ANKRD13C: variants seen among roughly 807,000 people sequenced by gnomAD.
ANKRD13C encodes the protein ankyrin repeat domain-containing protein 13C.
In ANKRD13C, 16 loss-of-function variants were observed where a neutral mutation model predicts 65.5. The ratio of observed to expected loss-of-function variants is 0.24; its 90% confidence interval spans 0.17 to 0.37. The LOEUF (loss-of-function observed/expected upper bound fraction) is 0.37. Ranked by LOEUF, ANKRD13C falls within the 10% of genes least tolerant of loss-of-function variation. ANKRD13C has a pLI of 1.00. For missense variants in ANKRD13C, 503 were observed against 655.9 expected (o/e 0.77, Z 2.55); for synonymous variants, 235 against 238.7 (o/e 0.98, Z 0.14).
chr1:70,352,339 CAAAAA>C (rs397965041), intron 1 of ANKRD13C, among the ~76,000 whole-genome samples: 1 of 60,772 alleles, frequency 1.6e-5, no homozygotes, highest in Non-Finnish European at 3.1e-5. Flanking sequence ...GACTCCGTCT[CAAAAA>C]AAAAAAAAAA....
rs1250961265 is a variant in ANKRD13C at position 70,309,728 on chromosome 1, A to AT, written c.710-3439_710-3438insA. Among the ~76,000 whole-genome samples the AT allele has an allele frequency of 7.3e-3, 1,061 of 145,026 alleles. 17 individuals carry two copies. The highest frequency in any genetic ancestry group is 0.02 in the African/African-American group (824 of 40,290). On this transcript the variant is annotated intron_variant, in intron 5 of 12. Transcript: ENST00000370944. ...CAGACTCCGTCGCAAAAAAAAAAAA[A>AT]AAAAAATAATAATAATAATAATATA...
chr1:70,319,445 A>C (rs567897992), intron 3 of ANKRD13C, among the ~76,000 whole-genome samples: 1 of 152,046 alleles, frequency 6.6e-6, no homozygotes, highest in Non-Finnish European at 1.5e-5. Context: ...GTCTCTACTA[A>C]AAATACAAAA....
chr1:70,335,960 G>T (rs1000852068), intron 2 of ANKRD13C, 98 bp downstream of exon 2: 1 of 357,646 alleles, frequency 2.8e-6, no homozygotes, highest in Non-Finnish European at 5.1e-6. Flanking sequence ...CAGATAAAAT[G>T]AGTTTTTAAA....
At chr1:70,335,670 A>G (rs1256722777) in intron 2 of ANKRD13C, among the ~76,000 whole-genome samples, 1 of 150,074 alleles carries the variant, frequency 6.7e-6, no homozygotes, top group Non-Finnish European at 1.5e-5. Flanking sequence ...TTATCTACCA[A>G]AGGCTCAACT....
In ANKRD13C at chr1:70,276,773, T is replaced by C; in HGVS notation, c.1287A>G (p.Glu429=). The change falls in exon 10 of 13, where the codon GAA becomes GAG. Residue 429 remains glutamate (E), a synonymous_variant. Coordinates refer to ENST00000370944, the MANE Select transcript of ANKRD13C (RefSeq NM_030816.5). The part of the protein sequence containing the change: ...TITWEEYISA[E]NGKAPHLGRE... ...ACAAGAAAAAAACTTACTTTCCATTTTCAGCAGATATATATTCTTCCCATG... is the reference window on the plus strand; with the variant it reads ...ACAAGAAAAAAACTTACTTTCCATTCTCAGCAGATATATATTCTTCCCATG... 6.3e-7 allele frequency: 1 copy of C among 1,595,890 alleles called. No homozygotes were observed. The highest frequency in any genetic ancestry group is 8.5e-7 in the Non-Finnish European group (1 of 1,174,846).
chr1:70,351,893 C>A (rs1682756771), intron 1 of ANKRD13C, among the ~76,000 whole-genome samples: 1 of 152,084 alleles, frequency 6.6e-6, no homozygotes, highest in African/African-American at 2.4e-5. Context: ...AGCCACAGTT[C>A]CTAGGACACC....
At chr1:70,281,851 A>T (rs1436383616) in intron 9 of ANKRD13C, among the ~76,000 whole-genome samples, 1 of 151,018 alleles carries the variant, frequency 6.6e-6, no homozygotes, top group Non-Finnish European at 1.5e-5. Context: ...GTTCGACACC[A>T]GCCTGGCCAA....
intron 7 of ANKRD13C, among the ~76,000 whole-genome samples, chr1:70,299,528 T>C (rs1209878212): frequency 1.3e-5 from 2 of 152,168 alleles, no homozygotes; most frequent in African/African-American, 2.4e-5. Flanking sequence ...AAATAATGAA[T>C]GTTTAAATTA....
Position 70,262,699 on chromosome 1 carries a change from C to T in ANKRD13C, c.*18G>A. 6.2e-7 allele frequency: 1 copy of T among 1,608,356 alleles called. No homozygotes were observed. ...GTATTTTCTTTCCTTGGTTAGACGG[C>T]ATCCTTTTCCACGTCAGTTAAAGAT... On this transcript the variant is annotated 3_prime_UTR_variant, in exon 13 of 13. Transcript: ENST00000370944.
chr1:70,259,916 T>C lies in ANKRD13C; in HGVS notation c.*2801A>G, dbSNP rs1678334771. 6.6e-6 allele frequency among the ~76,000 whole-genome samples: 1 copy of C among 152,172 alleles called. No homozygotes were observed. Among genetic ancestry groups the C allele is most frequent in the Non-Finnish European group, 1.5e-5 (1 of 68,010 alleles). ...AAGGGTCAGCTGTACTTATTTACAA[T>C]ATTTACTTCAGTCCTTTCATGGCCT... On this transcript the variant is annotated 3_prime_UTR_variant, in exon 13 of 13. Transcript: ENST00000370944.
intron 3 of ANKRD13C, among the ~76,000 whole-genome samples, 167 bp downstream of exon 3, chr1:70,324,686 G>T (rs562494005): frequency 6.6e-6 from 1 of 152,246 alleles, no homozygotes; most frequent in Non-Finnish European, 1.5e-5. Context: ...CTCTTTCTGG[G>T]TTCCACTCAA....
At chr1:70,317,170 A>G (rs1681106557) in intron 3 of ANKRD13C, among the ~76,000 whole-genome samples, 1 of 152,276 alleles carries the variant, frequency 6.6e-6, no homozygotes, top group Middle Eastern at 3.4e-3. Flanking sequence ...AAATTCCAAT[A>G]TATTTTAAAA....
At chr1:70,338,003 G>A (rs1682125029) in intron 1 of ANKRD13C, among the ~76,000 whole-genome samples, 1 of 152,074 alleles carries the variant, frequency 6.6e-6, no homozygotes, top group South Asian at 2.1e-4. Flanking sequence ...GGAGGCTGAG[G>A]CAGGAGAATC....
rs376003856 is a variant in ANKRD13C at position 70,260,141 on chromosome 1, T to C, written c.*2576A>G. Among the ~76,000 whole-genome samples the C allele has an allele frequency of 6.6e-6, 1 of 152,200 alleles. No individual in the cohort carries two copies. Among genetic ancestry groups the C allele is most frequent in the South Asian group, 2.1e-4 (1 of 4,836 alleles). ...GGAAACAGTTTTTCATCTACTAACA[T>C]GTATCAGCAGACAGATGTGACAGTT... On this transcript the variant is annotated 3_prime_UTR_variant, in exon 13 of 13. Transcript: ENST00000370944.
intron 1 of ANKRD13C, among the ~76,000 whole-genome samples, chr1:70,342,929 A>C (rs953764922): frequency 6.6e-6 from 1 of 152,170 alleles, no homozygotes; most frequent in African/African-American, 2.4e-5. Flanking sequence ...AGGAGAGTCC[A>C]CCAGAGTCTA....
intron 6 of ANKRD13C, among the ~76,000 whole-genome samples, chr1:70,302,232 G>A (rs528529189): frequency 1.8e-4 from 27 of 150,762 alleles, no homozygotes; most frequent in Non-Finnish European, 3.0e-4. Context: ...GGGTGAGCCA[G>A]AGCAAAGAGG....
At chr1:70,292,676 A>C (rs1490838095) in intron 8 of ANKRD13C, 127 bp from the exon 9 acceptor site, 2 of 681,834 alleles carry the variant, frequency 2.9e-6, no homozygotes, top group Non-Finnish European at 4.8e-6. Context: ...TGAAATTATC[A>C]AACTATCTTA....
chr1:70,347,023 C>A (rs1162431577), intron 1 of ANKRD13C, among the ~76,000 whole-genome samples: 1 of 131,978 alleles, frequency 7.6e-6, no homozygotes, highest in East Asian at 2.5e-4. Context: ...ACCGGGGAGG[C>A]GGAGCTTGCA....
intron 1 of ANKRD13C, among the ~76,000 whole-genome samples, chr1:70,348,894 A>G (rs529349022): frequency 2.2e-4 from 33 of 152,338 alleles, no homozygotes; most frequent in African/African-American, 6.5e-4. Context: ...GAAACTGCCA[A>G]ATTTCTCAGA....
Sources: gnomAD v4.1 joint callset for allele counts (sites outside exome capture counted in the v4.1 genomes callset) on GRCh38, gnomAD v4.1.1 for gene constraint, MANE v1.5 for transcripts, NCBI Gene and HGNC (gene_info 2026-07-23, HGNC 2026-07-21) for gene names.